The following SLC14A2 variants were observed in gnomAD, a reference collection of about 807,000 sequenced individuals.
The protein encoded by SLC14A2 is solute carrier family 14 member 2, also known as urea transporter 2.
Under a neutral mutation model 104.6 loss-of-function variants are expected in SLC14A2, and 91 were observed. The ratio of observed to expected loss-of-function variants is 0.87; its 90% CI spans 0.73 to 1.04. The LOEUF (loss-of-function observed/expected upper bound fraction) is 1.04. Ranked by LOEUF, SLC14A2 falls within the 50% of genes least tolerant of loss-of-function variation. SLC14A2 has a pLI of 0.00. For missense variants in SLC14A2, 1,189 were observed against 1,156.0 expected (o/e 1.03, Z -0.41); for synonymous variants, 476 against 466.4 (o/e 1.02, Z -0.27).
At chr18:45,665,638 C>T (rs142810033) in intron 11 of SLC14A2, among the ~76,000 whole-genome samples, 137 of 147,074 alleles carry the variant, frequency 9.3e-4, no homozygotes, top group African/African-American at 3.3e-3. Flanking sequence ...GCTCAGGCAG[C>T]TTAATACTTT....
intron 10 of SLC14A2, among the ~76,000 whole-genome samples, chr18:45,648,448 G>A (rs1298747307): frequency 5.3e-5 from 8 of 151,870 alleles, no homozygotes; most frequent in Non-Finnish European, 1.0e-4. Flanking sequence ...CTCGTGATTC[G>A]CCCACCTCGG....
At position 45,545,392 on chromosome 18, in the gene SLC14A2, G is replaced by T. The variant is rs1024532662; in HGVS notation, c.-35+62070G>T. On this transcript the variant is annotated intron_variant, in intron 2 of 20. Coordinates refer to the SLC14A2 transcript ENST00000586448. ...ATAAAACTCAGGCTGAGGGTCCGTT[G>T]CTATTTATCATGCTCTTGGGCTGAT... is the stretch of plus-strand genomic sequence containing the variant. Among the ~76,000 whole-genome samples, 5 of 152,272 alleles carry T rather than the reference G, an allele frequency of 3.3e-5. No individual in the cohort carries two copies. In the East Asian group the frequency reaches 9.7e-4, roughly 29 times the overall value.
the SLC14A2 span, among the ~76,000 whole-genome samples, chr18:45,196,717 C>T: frequency 2.6e-5 from 4 of 152,206 alleles, no homozygotes; most frequent in Non-Finnish European, 5.9e-5. Flanking sequence ...CTTCCCTCAA[C>T]AGCAATCAAT....
the SLC14A2 span, among the ~76,000 whole-genome samples, chr18:45,174,675 G>T: frequency 6.6e-6 from 1 of 152,120 alleles, no homozygotes; most frequent in Non-Finnish European, 1.5e-5. Flanking sequence ...AGGAAAGAAC[G>T]GGTCTTGACC....
At chr18:45,554,567 T>C (rs1184384629) in intron 2 of SLC14A2, among the ~76,000 whole-genome samples, 1 of 152,080 alleles carries the variant, frequency 6.6e-6, no homozygotes. Context: ...GCACAATTAC[T>C]GTCTGCGCAT....
chr18:45,467,300 A>C (rs1447297070), intron 1 of SLC14A2, among the ~76,000 whole-genome samples: 1 of 152,162 alleles, frequency 6.6e-6, no homozygotes, highest in Non-Finnish European at 1.5e-5. Context: ...CTGGTATTGG[A>C]GTTCTAGTAT....
chr18:45,192,350 T>C, the SLC14A2 span, among the ~76,000 whole-genome samples: 1 of 152,254 alleles, frequency 6.6e-6, no homozygotes, highest in Non-Finnish European at 1.5e-5. Context: ...TTACCACTTC[T>C]TGGCTATTAC....
intron 2 of SLC14A2, among the ~76,000 whole-genome samples, chr18:45,548,085 A>G (rs2044000785): frequency 6.6e-6 from 1 of 152,178 alleles, no homozygotes; most frequent in African/African-American, 2.4e-5. Flanking sequence ...AAACTCAGGA[A>G]TCTGGTTATG....
intron 10 of SLC14A2, among the ~76,000 whole-genome samples, chr18:45,645,178 C>T (rs1366904143): frequency 1.3e-5 from 2 of 152,146 alleles, no homozygotes; most frequent in Non-Finnish European, 2.9e-5. Context: ...CATCCATGTC[C>T]CTGCAAAGGA....
At chr18:45,420,971 C>T (rs2086339628) in intron 1 of SLC14A2, among the ~76,000 whole-genome samples, 1 of 152,088 alleles carries the variant, frequency 6.6e-6, no homozygotes, top group Admixed American at 6.5e-5. Context: ...AATCTCTTGA[C>T]CTCGTGATCT....
chr18:45,655,312 A>G lies in SLC14A2; in HGVS notation c.1352-8473A>G, dbSNP rs940468232. On this transcript the variant is annotated intron_variant, in intron 10 of 19. Transcript: ENST00000255226. The stretch of plus-strand genomic sequence containing the variant: ...TGTAAAGTATGTGATATCCTCCAAA[A>G]CCAGCACCAAACGATATAAGCCTTG... Among the ~76,000 whole-genome samples the G allele has an allele frequency of 3.3e-5, 5 of 152,250 alleles. No homozygotes were observed. In the South Asian group the frequency reaches 8.3e-4, roughly 25 times the overall value.
At chr18:45,623,943 G>A (rs1229902154) in intron 1 of SLC14A2, among the ~76,000 whole-genome samples, 3 of 152,176 alleles carry the variant, frequency 2.0e-5, no homozygotes, top group Non-Finnish European at 4.4e-5. Flanking sequence ...ACTACCAAGG[G>A]GAAGCCAGAC....
intron 10 of SLC14A2, among the ~76,000 whole-genome samples, chr18:45,651,303 G>A (rs1363683462): frequency 6.6e-6 from 1 of 152,132 alleles, no homozygotes; most frequent in East Asian, 1.9e-4. Context: ...CCAAGATGAG[G>A]CCAAGCTGGA....
At chr18:45,516,211 CT>C (rs776208600) in intron 2 of SLC14A2, among the ~76,000 whole-genome samples, 3 of 152,176 alleles carry the variant, frequency 2.0e-5, no homozygotes, top group Non-Finnish European at 4.4e-5. Flanking sequence ...TCTCTCCCCC[CT>C]CACTACTGTT....
At chr18:45,673,162 T>A (rs976843342) in intron 17 of SLC14A2, 115 bp downstream of exon 17, 95 of 1,031,662 alleles carry the variant, frequency 9.2e-5, no homozygotes, top group Non-Finnish European at 7.2e-5. Flanking sequence ...GAACTTTCCC[T>A]CCTTCTGTTG....
At chr18:45,179,566 C>T in the SLC14A2 span, among the ~76,000 whole-genome samples, 1 of 152,138 alleles carries the variant, frequency 6.6e-6, no homozygotes, top group Non-Finnish European at 1.5e-5. Flanking sequence ...AAAAATTCTC[C>T]TAAACATCCA....
rs143774681 is a variant in SLC14A2, at chr18:45,276,589, A to G, written c.-125+63398A>G. ...AAGCCTGCAATACTGCATGTGATTT[A>G]ATTTTTTTAAGTTATATTGAACAAA... On this transcript the variant is annotated intron_variant, in intron 1 of 20. Transcript: ENST00000586448. 3.1e-3 allele frequency among the ~76,000 whole-genome samples: 472 copies of G among 152,350 alleles called. 6 individuals are homozygous for G. Among genetic ancestry groups the G allele is most frequent in the South Asian group, 8.3e-4 (4 of 4,830 alleles).
chr18:45,426,130 T>C (rs2086422785), intron 1 of SLC14A2, among the ~76,000 whole-genome samples: 1 of 152,190 alleles, frequency 6.6e-6, no homozygotes, highest in African/African-American at 2.4e-5. Flanking sequence ...ACGGCATCGA[T>C]GGCCACCCCT....
At chr18:45,657,883 TCCCACTTACC>T (rs1392059263) in intron 10 of SLC14A2, among the ~76,000 whole-genome samples, 1 of 152,150 alleles carries the variant, frequency 6.6e-6, no homozygotes, top group East Asian at 1.9e-4. Context: ...AAAGGTACCA[TCCCACTTACC>T]ACCCACAAGT....
Sources: allele counts gnomAD v4.1 joint callset (sites outside exome capture counted in the v4.1 genomes callset), GRCh38; gene constraint gnomAD v4.1.1; transcripts MANE v1.5; gene names NCBI Gene and HGNC (gene_info 2026-07-23, HGNC 2026-07-21).